POU2F3: variants seen among roughly 807,000 people sequenced by gnomAD.
The protein encoded by POU2F3 is POU domain, class 2, transcription factor 3.
A neutral mutation model predicts 59.2 loss-of-function variants in POU2F3; 23 were observed. The observed-to-expected ratio is 0.39, with a 90% confidence interval of 0.28 to 0.55. The LOEUF (loss-of-function observed/expected upper bound fraction) is 0.55. Ranked by LOEUF, POU2F3 falls within the 20% of genes least tolerant of loss-of-function variation. The pLI is 0.66. For missense variants in POU2F3, 473 were observed against 544.5 expected (o/e 0.87, Z 1.31); for synonymous variants, 190 against 214.6 (o/e 0.89, Z 1.00).
At chr11:120,241,239 C>G (rs1938649614) in intron 1 of POU2F3, among the ~76,000 whole-genome samples, 1 of 152,224 alleles carries the variant, frequency 6.6e-6, no homozygotes. Context: ...TAGCAACTTA[C>G]TCTCAAAGTG....
At chr11:120,299,398 A>ATATG (rs1399868940) in intron 4 of POU2F3, among the ~76,000 whole-genome samples, 4 of 152,212 alleles carry the variant, frequency 2.6e-5, no homozygotes, top group Non-Finnish European at 5.9e-5. Context: ...TTAAGTAACA[A>ATATG]TATGTAGTAA....
At chr11:120,255,426 G>A (rs1939296394) in intron 2 of POU2F3, among the ~76,000 whole-genome samples, 2 of 152,108 alleles carry the variant, frequency 1.3e-5, no homozygotes, top group African/African-American at 4.8e-5. Context: ...TGGGGTCTCG[G>A]CGCCCAATTT....
chr11:120,288,942 A>C (rs921808992), intron 3 of POU2F3, among the ~76,000 whole-genome samples: 1 of 151,830 alleles, frequency 6.6e-6, no homozygotes, highest in African/African-American at 2.4e-5. Flanking sequence ...CAGGCAAAAG[A>C]AGCAGCTCTA....
chr11:120,253,058 T>A (rs1442564636), intron 2 of POU2F3, among the ~76,000 whole-genome samples: 1 of 152,174 alleles, frequency 6.6e-6, no homozygotes, highest in African/African-American at 2.4e-5. Context: ...GTGGTCATTC[T>A]TTAGAGCACT....
chr11:120,286,550 T>C (rs1269887022), intron 3 of POU2F3, among the ~76,000 whole-genome samples: 1 of 152,210 alleles, frequency 6.6e-6, no homozygotes, highest in East Asian at 1.9e-4. Flanking sequence ...CCTGCCCTCA[T>C]GGAATAATGC....
chr11:120,317,117 T>G (rs1591449697), intron 11 of POU2F3, 112 bp from the exon 12 acceptor site: 19 of 1,298,278 alleles, frequency 1.5e-5, no homozygotes, highest in Admixed American at 1.8e-5. Context: ...AGGGAGAGGG[T>G]GAGGTCCCTT....
chr11:120,279,269 T>C (rs1236094156), intron 3 of POU2F3, among the ~76,000 whole-genome samples: 1 of 152,180 alleles, frequency 6.6e-6, no homozygotes, highest in Non-Finnish European at 1.5e-5. Context: ...TCAACTCCTC[T>C]GCGCCTCTGA....
At position 120,240,171 on chromosome 11, in the gene POU2F3, C is replaced by A. The variant is rs1008026540; in HGVS notation, c.-173C>A. ...GCAATCCTGGCGGCGCCGAGTGTTG[C>A]CCGGGCCGGAGCAGCGGAGCGCGCG... On this transcript the variant is annotated 5_prime_UTR_variant, in exon 1 of 13. Coordinates refer to ENST00000543440, the MANE Select transcript of POU2F3 (RefSeq NM_014352.4). The A allele has an allele frequency of 8.2e-7, 1 of 1,216,952 alleles. No individual in the cohort carries two copies. The highest frequency in any genetic ancestry group is 1.0e-6 in the Non-Finnish European group (1 of 972,778). The allele number at this position is 1,216,952 out of a possible 1,614,324, so 75.4% of individuals were successfully genotyped here.
Position 120,295,172 on chromosome 11 carries a change from G to A in POU2F3, c.133-3093G>A, listed in dbSNP as rs7943018. 7.1e-3 allele frequency among the ~76,000 whole-genome samples: 1,076 copies of A among 152,284 alleles called. 19 individuals carry two copies. The highest frequency in any genetic ancestry group is 0.024 in the African/African-American group (999 of 41,546). ...AGGGTGCGTTTTCTTTTATGATGGC[G>A]CTGGTTTCTGAAATTAAGTGTTGCA... On this transcript the variant is annotated intron_variant, in intron 3 of 12. Coordinates refer to ENST00000543440, the MANE Select transcript of POU2F3 (RefSeq NM_014352.4).
chr11:120,318,577 A>G lies in POU2F3; in HGVS notation c.*185A>G, dbSNP rs1591451211. On this transcript the variant is annotated 3_prime_UTR_variant, in exon 13 of 13. Coordinates refer to ENST00000543440, the MANE Select transcript of POU2F3 (RefSeq NM_014352.4). ...GGAGATCCAAACTGTGATTGAACCA[A>G]GTGCAGACTCCTAATGCTCTTGAAA... is the stretch of plus-strand genomic sequence containing the variant. 1 of 616,274 alleles carries G rather than the reference A, an allele frequency of 1.6e-6. No individual in the cohort carries two copies. Among genetic ancestry groups the G allele is most frequent in the Non-Finnish European group, 2.9e-6 (1 of 350,138 alleles). The allele number at this position is 616,274 out of a possible 1,614,324, so 38.2% of individuals were successfully genotyped here.
intron 2 of POU2F3, among the ~76,000 whole-genome samples, chr11:120,251,331 C>T (rs1387443522): frequency 1.3e-5 from 2 of 152,348 alleles, no homozygotes; most frequent in African/African-American, 2.4e-5. Context: ...CACACACACA[C>T]GCACACACAC....
At chr11:120,238,556 G>T (rs977628940), upstream of POU2F3, among the ~76,000 whole-genome samples, 1 of 152,030 alleles carries the variant, frequency 6.6e-6, no homozygotes, top group Non-Finnish European at 1.5e-5. Flanking sequence ...TGGAACTTAG[G>T]CTGGGCGTGG....
chr11:120,261,193 TGTG>T (rs1373301108), intron 2 of POU2F3: 1 of 151,242 alleles, frequency 6.6e-6, no homozygotes, highest in African/African-American at 2.5e-5. Context: ...TGTGTGTGTG[TGTG>T]TTTTGTTTGT....
At chr11:120,274,685 G>A (rs1469321382) in intron 3 of POU2F3, among the ~76,000 whole-genome samples, 2 of 152,184 alleles carry the variant, frequency 1.3e-5, no homozygotes, top group Non-Finnish European at 2.9e-5. Context: ...AGACAGGCAG[G>A]ACTGAAGATG....
At chr11:120,239,043 A>T (rs143808986), upstream of POU2F3, among the ~76,000 whole-genome samples, 119 of 152,264 alleles carry the variant, frequency 7.8e-4, no homozygotes, top group African/African-American at 2.2e-3. Flanking sequence ...TATCGTGGGC[A>T]TGACTGGAGT....
chr11:120,301,295 T>C (rs983764580), intron 5 of POU2F3: 1 of 297,018 alleles, frequency 3.4e-6, no homozygotes, highest in African/African-American at 2.2e-5. Flanking sequence ...AAATAATGCA[T>C]GTGAAAAGGC....
intron 9 of POU2F3, 126 bp downstream of exon 9, chr11:120,307,741 A>G: frequency 7.7e-7 from 1 of 1,304,426 alleles, no homozygotes; most frequent in Middle Eastern, 2.5e-4. Context: ...CGATCAGAAA[A>G]CACATTATCC....
chr11:120,288,128 C>CAAAAAAAAAAAAAAAAAA lies in POU2F3; in HGVS notation c.133-10134_133-10117dup. ...AAAGAAAGAAAACAAACAAAAAAAC[C>CAAAAAAAAAAAAAAAAAA]AAAAAAAAAAAAAAAAAAAACAAGA... On this transcript the variant is annotated intron_variant, in intron 3 of 12. Coordinates refer to ENST00000543440, the MANE Select transcript of POU2F3 (RefSeq NM_014352.4). 6.3e-4 allele frequency among the ~76,000 whole-genome samples: 40 copies of CAAAAAAAAAAAAAAAAAA among 63,336 alleles called. 2 individuals carry two copies. The highest frequency in any genetic ancestry group is 1.3e-3 in the East Asian group (2 of 1,554). The allele number at this position is 63,336 out of a possible 152,430, so 41.6% of individuals were successfully genotyped here. A position where few individuals can be genotyped will look rare whatever the true frequency, so the allele number is the denominator to read the frequency against.
chr11:120,289,582 G>T (rs1259371851), intron 3 of POU2F3, among the ~76,000 whole-genome samples: 4 of 152,116 alleles, frequency 2.6e-5, no homozygotes, highest in Non-Finnish European at 4.4e-5. Context: ...TACAGCAGCA[G>T]TCCCAAATTG....
Sources: gnomAD v4.1 joint callset for allele counts (sites outside exome capture counted in the v4.1 genomes callset) on GRCh38, gnomAD v4.1.1 for gene constraint, MANE v1.5 for transcripts, NCBI Gene and HGNC (gene_info 2026-07-23, HGNC 2026-07-21) for gene names.